The following ODAD2 variants were observed in gnomAD, a reference collection of about 807,000 sequenced individuals.
ODAD2 encodes the protein outer dynein arm docking complex subunit 2, also known as outer dynein arm-docking complex subunit 2.
In ODAD2, 89 loss-of-function variants were observed where a neutral mutation model predicts 106.8. That is an observed-to-expected ratio of 0.83 (90% CI 0.70 to 0.99). The LOEUF is 0.99. Ranked by LOEUF, ODAD2 falls within the 50% of genes least tolerant of loss-of-function variation. ODAD2 has a pLI of 0.00. For synonymous variants in ODAD2, 404 were observed against 436.2 expected (o/e 0.93, Z 0.92); for missense variants, 1,168 against 1,238.5 (o/e 0.94, Z 0.85).
chr10:27,813,850 T>G (rs112726286), intron 19 of ODAD2, among the ~76,000 whole-genome samples: 1 of 152,240 alleles, frequency 6.6e-6, no homozygotes, highest in Admixed American at 6.5e-5. Context: ...TATTACTTCA[T>G]GTAGAGGTGA....
intron 19 of ODAD2, among the ~76,000 whole-genome samples, chr10:27,830,244 T>C (rs999863919): frequency 1.3e-5 from 2 of 152,196 alleles, no homozygotes; most frequent in Non-Finnish European, 2.9e-5. Context: ...ACACCTCCCC[T>C]TGCTGCTCAC....
chr10:27,890,642 A>C (rs758061239), intron 17 of ODAD2, among the ~76,000 whole-genome samples: 5 of 151,998 alleles, frequency 3.3e-5, no homozygotes, highest in Admixed American at 6.6e-5. Context: ...AGGGAGGAGA[A>C]AGGAAAGTGA....
intron 2 of ODAD2, among the ~76,000 whole-genome samples, chr10:27,988,539 T>G (rs1850024989): frequency 6.6e-6 from 1 of 152,016 alleles, no homozygotes; most frequent in Non-Finnish European, 1.5e-5. Flanking sequence ...GGTTACACTA[T>G]GTTGGCCAGG....
intron 11 of ODAD2, 111 bp from the exon 12 acceptor site, chr10:27,944,542 TC>T (rs1846733718): frequency 1.0e-6 from 1 of 968,816 alleles, no homozygotes; most frequent in Non-Finnish European, 1.5e-6. Flanking sequence ...AGAAATCATT[TC>T]CATTCCCAGA....
intron 10 of ODAD2, among the ~76,000 whole-genome samples, chr10:27,951,829 C>T (rs1175118491): frequency 6.6e-6 from 1 of 151,980 alleles, no homozygotes; most frequent in Non-Finnish European, 1.5e-5. Context: ...AATTCCAGCA[C>T]TTTGGGAGGC....
intron 17 of ODAD2, among the ~76,000 whole-genome samples, chr10:27,869,475 T>TAA (rs949498769): frequency 3.1e-4 from 45 of 147,038 alleles, no homozygotes; most frequent in African/African-American, 1.0e-3. Flanking sequence ...CTTCTGGACT[T>TAA]AAAAAAAAAA....
In ODAD2 at chr10:27,936,840, T is replaced by C. The variant is rs1846016740; in HGVS notation, c.2138A>G (p.His713Arg). The C allele has an allele frequency of 6.2e-7, 1 of 1,613,820 alleles. No homozygotes were observed. The highest frequency in any genetic ancestry group is 1.7e-5 in the Admixed American group (1 of 59,966). Residue 713 changes from histidine (H) to arginine (R), a missense_variant, in exon 15 of 20, where the codon CAC becomes CGC. This residue lies in a region of ODAD2 where 701 missense variants were observed against 712.3 expected (regional missense o/e 0.98). Coordinates refer to ENST00000305242, the MANE Select transcript of ODAD2 (RefSeq NM_018076.5). ...ACTGGCCAAGGGCTTAAGTCCTCCG[T>C]GCAGCCTAACGAGGTCCCGGGTTTC... Reference protein sequence around the residue: ...DKETRDLVRLHGGLKPLASLL... With the variant: ...DKETRDLVRLRGGLKPLASLL...
intron 7 of ODAD2, among the ~76,000 whole-genome samples, chr10:27,976,526 A>G (rs1041308471): frequency 2.0e-5 from 3 of 152,184 alleles, no homozygotes; most frequent in South Asian, 2.1e-4. Flanking sequence ...TGAAACACAG[A>G]TAAGTTTCAA....
intron 16 of ODAD2, among the ~76,000 whole-genome samples, chr10:27,920,736 T>G (rs1384464523): frequency 2.6e-5 from 4 of 152,178 alleles, no homozygotes; most frequent in Admixed American, 2.6e-4. Context: ...CACGAAGACT[T>G]GTTCTGTGGC....
At chr10:27,930,307 G>C (rs1353308951) in intron 16 of ODAD2, among the ~76,000 whole-genome samples, 5 of 152,256 alleles carry the variant, frequency 3.3e-5, no homozygotes, top group Non-Finnish European at 5.9e-5. Context: ...CACTTTGGAA[G>C]TTTGAGGCGG....
chr10:27,952,201 G>A (rs1847390351), intron 10 of ODAD2, among the ~76,000 whole-genome samples: 1 of 151,196 alleles, frequency 6.6e-6, no homozygotes, highest in Admixed American at 6.6e-5. Context: ...ATAGGCAAAG[G>A]ACATAATACA....
intron 16 of ODAD2, among the ~76,000 whole-genome samples, chr10:27,930,589 T>C (rs972782415): frequency 6.7e-6 from 1 of 148,318 alleles, no homozygotes; most frequent in African/African-American, 2.5e-5. Context: ...ATCATGCCAC[T>C]GCACTCCAGC....
intron 9 of ODAD2, among the ~76,000 whole-genome samples, chr10:27,964,213 C>G (rs1376138143): frequency 6.6e-6 from 1 of 152,080 alleles, no homozygotes; most frequent in Non-Finnish European, 1.5e-5. Context: ...CACAGCAACA[C>G]TCTGTAATAT....
intron 17 of ODAD2, among the ~76,000 whole-genome samples, chr10:27,867,209 A>G (rs1840504491): frequency 6.6e-6 from 1 of 152,150 alleles, no homozygotes. Flanking sequence ...GGCATTTGTG[A>G]AGGTCTTGAG....
chr10:27,985,898 G>T (rs1849847301), intron 3 of ODAD2, among the ~76,000 whole-genome samples: 1 of 151,854 alleles, frequency 6.6e-6, no homozygotes, highest in Admixed American at 6.6e-5. Context: ...AACAGAATTT[G>T]GTTAATGTCA....
At chr10:27,983,178 G>A (rs1343769831) in intron 6 of ODAD2, among the ~76,000 whole-genome samples, 1 of 152,158 alleles carries the variant, frequency 6.6e-6, no homozygotes, top group Non-Finnish European at 1.5e-5. Context: ...CCAGAAACAG[G>A]CTCACCTCAC....
chr10:27,889,218 T>C (rs1452357213), intron 17 of ODAD2, among the ~76,000 whole-genome samples: 1 of 152,128 alleles, frequency 6.6e-6, no homozygotes, highest in Non-Finnish European at 1.5e-5. Context: ...CCTAGAGAGA[T>C]CAAGTTGGAC....
At chr10:27,944,784 G>T in intron 11 of ODAD2, 32 bp downstream of exon 11, 1 of 1,613,684 alleles carries the variant, frequency 6.2e-7, no homozygotes, top group Middle Eastern at 1.6e-4. Context: ...GTGGGAACAA[G>T]ACTCCGCATC....
intron 17 of ODAD2, among the ~76,000 whole-genome samples, chr10:27,879,198 T>C (rs570289008): frequency 6.6e-6 from 1 of 152,242 alleles, no homozygotes; most frequent in African/African-American, 2.4e-5. Flanking sequence ...CTGGGTTGAT[T>C]CTGCTTTAGA....
Sources: gnomAD v4.1 joint callset for allele counts (sites outside exome capture counted in the v4.1 genomes callset) on GRCh38, gnomAD v4.1.1 for gene constraint, gnomAD v4.1.1 regional missense constraint, MANE v1.5 for transcripts, NCBI Gene and HGNC (gene_info 2026-07-23, HGNC 2026-07-21) for gene names.